Variants in RMC1 observed in about 807,000 individuals in gnomAD.
The protein encoded by RMC1 is regulator of MON1-CCZ1.
A neutral mutation model predicts 95.5 loss-of-function variants in RMC1; 44 were observed. The observed-to-expected ratio is 0.46, with a 90% CI of 0.36 to 0.59. The LOEUF (loss-of-function observed/expected upper bound fraction) is 0.59. Among genes scored for constraint, RMC1 ranks in the 20% least tolerant of loss-of-function variants. RMC1 has a pLI of 0.00. For missense variants in RMC1, 705 were observed against 819.6 expected (o/e 0.86, Z 1.71); for synonymous variants, 320 against 303.6 (o/e 1.05, Z -0.56).
chr18:23,514,376 G>C (rs548294889), intron 5 of RMC1, among the ~76,000 whole-genome samples: 1 of 152,120 alleles, frequency 6.6e-6, no homozygotes, highest in East Asian at 1.9e-4. Flanking sequence ...ACTAAGTGCC[G>C]TCTCTACTGT....
intron 7 of RMC1, 88 bp downstream of exon 7, chr18:23,516,511 GC>G (rs991710168): frequency 8.5e-5 from 114 of 1,347,334 alleles, no homozygotes; most frequent in Middle Eastern, 5.4e-4. Flanking sequence ...ACCACGTGAT[GC>G]CCTGACCCCT....
rs1769877910 is a variant in RMC1, at chr18:23,516,646, T to C, written c.653+223T>C. Among the ~76,000 whole-genome samples the C allele has an allele frequency of 2.0e-5, 3 of 152,200 alleles. No homozygotes were observed. In the South Asian group the frequency reaches 6.2e-4, roughly 31 times the overall value. On this transcript the variant is annotated intron_variant, in intron 7 of 19. Transcript: ENST00000269221. ...TTATCAGCTTTGTGATGCTAAGGAA[T>C]TCCTTTACCTTTCTAGCCTGATAAA...
chr18:23,523,926 T>A (rs908560376), intron 10 of RMC1, among the ~76,000 whole-genome samples: 4 of 152,140 alleles, frequency 2.6e-5, no homozygotes, highest in African/African-American at 9.7e-5. Context: ...TTTTTCTTGG[T>A]GAGATTTTCC....
At chr18:23,515,553 G>T (rs2057979185) in intron 5 of RMC1, among the ~76,000 whole-genome samples, 1 of 152,200 alleles carries the variant, frequency 6.6e-6, no homozygotes, top group Non-Finnish European at 1.5e-5. Flanking sequence ...AATTGAGACT[G>T]AATCTCGCTC....
At chr18:23,527,768 C>T in intron 13 of RMC1, 27 bp from the exon 14 acceptor site, 1 of 1,581,238 alleles carries the variant, frequency 6.3e-7, no homozygotes, top group Non-Finnish European at 8.7e-7. Context: ...TTGGTTTGAT[C>T]CGTGTGTGAA....
intron 5 of RMC1, among the ~76,000 whole-genome samples, chr18:23,510,019 TAAAA>T (rs531660350): frequency 7.6e-6 from 1 of 132,306 alleles, no homozygotes; most frequent in East Asian, 2.1e-4. Context: ...AGTAATAAAT[TAAAA>T]AAAAAAAAAA....
chr18:23,516,783 T>G (rs951538322), intron 7 of RMC1, among the ~76,000 whole-genome samples: 4 of 151,536 alleles, frequency 2.6e-5, no homozygotes, highest in Non-Finnish European at 5.9e-5. Flanking sequence ...TGGAGTGCAG[T>G]GGTGCAGTGT....
chr18:23,503,547 G>GGGCTCCACCGCGCATCC lies in RMC1; in HGVS notation c.-71_-55dup. ...CGCAGCCGCCGCTACAGTCCGGGCC[G>GGGCTCCACCGCGCATCC]GGCTCCACCGCGCATCCTGCTCCAC... On this transcript the variant is annotated 5_prime_UTR_variant, in exon 1 of 20. Coordinates refer to ENST00000269221, the MANE Select transcript of RMC1 (RefSeq NM_013326.5). 1 of 1,143,288 alleles carries GGGCTCCACCGCGCATCC rather than the reference G, an allele frequency of 8.7e-7. No homozygotes were observed. Among genetic ancestry groups the GGGCTCCACCGCGCATCC allele is most frequent in the Non-Finnish European group, 1.2e-6 (1 of 841,596 alleles). The allele number at this position is 1,143,288 out of a possible 1,614,324, so 70.8% of individuals were successfully genotyped here. A position where few individuals can be genotyped will look rare whatever the true frequency, so the allele number is the denominator to read the frequency against.
rs193211425 is a variant in RMC1, at chr18:23,519,378, C to T, written c.849+204C>T. ...ATAAAAAATACAAAAATTAGCCGGG[C>T]GTGGTAGTGCACGCCTATAGTCCCA... On this transcript the variant is annotated intron_variant, in intron 9 of 19. Transcript: ENST00000269221. Among the ~76,000 whole-genome samples the T allele has an allele frequency of 1.3e-3, 204 of 152,118 alleles. 1 individual carries two copies. The highest frequency in any genetic ancestry group is 4.5e-3 in the African/African-American group (188 of 41,492).
chr18:23,520,905 A>C (rs1333345730), intron 10 of RMC1, among the ~76,000 whole-genome samples: 1 of 152,192 alleles, frequency 6.6e-6, no homozygotes, highest in Non-Finnish European at 1.5e-5. Context: ...TTTAGTAGAG[A>C]TGGGGTTTCA....
Position 23,518,880 on chromosome 18 carries a change from C to T in RMC1, c.654-10C>T, listed in dbSNP as rs780736214. On this transcript the variant is annotated splice_polypyrimidine_tract_variant and intron_variant, in intron 7 of 19. Transcript: ENST00000269221. ...CAGATGTGATTTATGTCTGTTTGTT[C>T]CCTAATTAGATACGGGCAGCTGTAT... 3 of 1,613,198 alleles carry T rather than the reference C, an allele frequency of 1.9e-6. No homozygotes were observed. In the South Asian group the frequency reaches 3.3e-5, roughly 18 times the overall value.
chr18:23,525,445 A>G (rs188910724), intron 12 of RMC1, among the ~76,000 whole-genome samples: 8 of 152,002 alleles, frequency 5.3e-5, no homozygotes, highest in African/African-American at 1.2e-4. Flanking sequence ...AATTATTTTG[A>G]GACGGAATCT....
intron 5 of RMC1, among the ~76,000 whole-genome samples, chr18:23,514,754 A>G (rs912232193): frequency 3.9e-5 from 6 of 152,168 alleles, no homozygotes; most frequent in Non-Finnish European, 7.4e-5. Flanking sequence ...CCTTAAGGTT[A>G]CCTAGATGGC....
intron 2 of RMC1, among the ~76,000 whole-genome samples, chr18:23,505,752 G>C (rs2057697713): frequency 6.6e-6 from 1 of 152,206 alleles, no homozygotes; most frequent in African/African-American, 2.4e-5. Flanking sequence ...TACTTAGGAA[G>C]ATGGGTCTCT....
At chr18:23,528,185 A>G (rs1250539116) in intron 14 of RMC1, 7 of 263,086 alleles carry the variant, frequency 2.7e-5, no homozygotes, top group Non-Finnish European at 4.3e-5. Context: ...GTCTACTGTT[A>G]TAGATGAGAA....
intron 19 of RMC1, 186 bp from the exon 20 acceptor site, chr18:23,531,439 G>A: frequency 8.0e-7 from 1 of 1,251,726 alleles, no homozygotes; most frequent in Non-Finnish European, 1.1e-6. Context: ...AGGTTAGATA[G>A]AATCTCTTCC....
chr18:23,530,340 T>C, intron 18 of RMC1, 43 bp downstream of exon 18: 1 of 1,613,998 alleles, frequency 6.2e-7, no homozygotes, highest in Non-Finnish European at 8.5e-7. Context: ...AAACTAACTC[T>C]GTTCCTGTTG....
At chr18:23,525,717 C>G (rs1019389587) in intron 12 of RMC1, among the ~76,000 whole-genome samples, 2 of 152,166 alleles carry the variant, frequency 1.3e-5, no homozygotes, top group Non-Finnish European at 2.9e-5. Flanking sequence ...GCCACCACAG[C>G]CGGCCTATAA....
intron 10 of RMC1, among the ~76,000 whole-genome samples, chr18:23,523,924 G>A (rs1307524850): frequency 6.6e-6 from 1 of 152,056 alleles, no homozygotes; most frequent in East Asian, 1.9e-4. Flanking sequence ...TCTTTTTCTT[G>A]GTGAGATTTT....
Sources: allele counts gnomAD v4.1 joint callset (sites outside exome capture counted in the v4.1 genomes callset), GRCh38; gene constraint gnomAD v4.1.1; transcripts MANE v1.5; gene names NCBI Gene and HGNC (gene_info 2026-07-23, HGNC 2026-07-21).